Variants in CA6 observed in about 807,000 individuals in gnomAD.
CA6 encodes the protein carbonate dehydratase VI.
Under a neutral mutation model 35.9 loss-of-function variants are expected in CA6, and 28 were observed. The ratio of observed to expected loss-of-function variants is 0.78; its 90% CI spans 0.58 to 1.07. CA6 has a LOEUF of 1.07. Ranked by LOEUF, CA6 falls within the 50% of genes least tolerant of loss-of-function variation. CA6 has a pLI of 0.00. For missense variants in CA6, 377 were observed against 382.0 expected (o/e 0.99, Z 0.11); for synonymous variants, 148 against 152.6 (o/e 0.97, Z 0.22).
intron 1 of CA6, among the ~76,000 whole-genome samples, chr1:8,947,019 T>G (rs1017033108): frequency 2.0e-5 from 3 of 151,840 alleles, no homozygotes; most frequent in African/African-American, 7.3e-5. Flanking sequence ...GGCCAGGCTG[T>G]TCTCAAACTT....
intron 4 of CA6, among the ~76,000 whole-genome samples, chr1:8,960,789 C>CACACACACACACAT (rs59987426): frequency 6.8e-5 from 8 of 116,976 alleles, no homozygotes; most frequent in African/African-American, 2.3e-4. Context: ...CACACACACA[C>CACACACACACACAT]ATATATATAA....
At position 8,973,788 on chromosome 1, in the gene CA6, TCCC is replaced by T. The variant is rs776709634; in HGVS notation, c.845-833_845-831del. 3.8e-3 allele frequency among the ~76,000 whole-genome samples: 233 copies of T among 62,076 alleles called. 9 individuals are homozygous for T. The highest frequency in any genetic ancestry group is 6.2e-3 in the African/African-American group (44 of 7,118). The allele number at this position is 62,076 out of a possible 152,430, so 40.7% of individuals were successfully genotyped here. On this transcript the variant is annotated intron_variant, in intron 7 of 7. Transcript: ENST00000377443. ...TCTTTCTTTCTTTCTTTCTTTCTTTTCCCTCCCTCCCTCTCTCTCTCTCTCTCT... is the reference window on the plus strand; with the variant it reads ...TCTTTCTTTCTTTCTTTCTTTCTTTTTCCCTCCCTCTCTCTCTCTCTCTCT...
chr1:8,974,111 C>T (rs1431332740), intron 7 of CA6, among the ~76,000 whole-genome samples: 1 of 152,144 alleles, frequency 6.6e-6, no homozygotes, highest in Non-Finnish European at 1.5e-5. Context: ...AGGCATGAGC[C>T]ATCGCGCCTG....
At position 8,974,931 on chromosome 1, in the gene CA6, T is replaced by A; in HGVS notation, c.*227T>A. 1 of 404,976 alleles carries A rather than the reference T, an allele frequency of 2.5e-6. No homozygotes were observed. The highest frequency in any genetic ancestry group is 4.4e-6 in the Non-Finnish European group (1 of 229,708). The allele number at this position is 404,976 out of a possible 1,614,324, so 25.1% of individuals were successfully genotyped here. ...CATGAGACGGGATCTGAGTTAGACA[T>A]CACCAGTGGAAATTGATTGGAATAG... is the stretch of plus-strand genomic sequence containing the variant. On this transcript the variant is annotated 3_prime_UTR_variant, in exon 8 of 8. Transcript: ENST00000377443.
chr1:8,953,587 A>T (rs531994733), intron 2 of CA6, among the ~76,000 whole-genome samples: 1 of 152,256 alleles, frequency 6.6e-6, no homozygotes, highest in African/African-American at 2.4e-5. Context: ...GCACCACTGC[A>T]CTCCAGCCTG....
At chr1:8,960,789 C>CACACACACACACACATAT (rs59987426) in intron 4 of CA6, among the ~76,000 whole-genome samples, 10 of 116,976 alleles carry the variant, frequency 8.5e-5, no homozygotes, top group African/African-American at 3.0e-4. Flanking sequence ...CACACACACA[C>CACACACACACACACATAT]ATATATATAA....
chr1:8,946,804 T>C (rs1557617079), intron 1 of CA6, among the ~76,000 whole-genome samples: 1 of 122,690 alleles, frequency 8.2e-6, no homozygotes, highest in Non-Finnish European at 1.6e-5. Flanking sequence ...TTTTTTTTTT[T>C]GTTTTTTTTT....
At chr1:8,960,416 A>G (rs960011274) in intron 4 of CA6, among the ~76,000 whole-genome samples, 1 of 151,870 alleles carries the variant, frequency 6.6e-6, no homozygotes, top group South Asian at 2.1e-4. Context: ...AAAAACAACT[A>G]TCATAAATGT....
In CA6 at chr1:8,957,161, T is replaced by C. The variant is rs761202224; in HGVS notation, c.284T>C (p.Met95Thr). ...GTGCAGATCAGCCTGCCCTCCACCA[T>C]GCGCATGACAGTGGCTGACGGCACT... ...HTVQISLPST[M>T]RMTVADGTVY... is the part of the protein sequence containing the mutation. The change falls in exon 3 of 8, where the codon ATG (methionine) becomes ACG (threonine). Residue 95 changes from methionine (M) to threonine (T), a missense_variant. Met to Thr is a moderately conservative substitution (Grantham distance 81). Transcript: ENST00000377443. 2 of 1,612,798 alleles carry C rather than the reference T, an allele frequency of 1.2e-6. No homozygotes were observed. The highest frequency in any genetic ancestry group is 1.1e-5 in the South Asian group (1 of 90,958).
At chr1:8,948,835 T>C (rs575839908) in intron 1 of CA6, among the ~76,000 whole-genome samples, 278 of 152,038 alleles carry the variant, frequency 1.8e-3, no homozygotes, top group Non-Finnish European at 3.2e-3. Flanking sequence ...CCAGGCGTGG[T>C]GGTGCATGCC....
intron 6 of CA6, 152 bp downstream of exon 6, chr1:8,967,968 T>TC: frequency 1.7e-6 from 1 of 572,242 alleles, no homozygotes; most frequent in Non-Finnish European, 2.9e-6. Context: ...CCAACCTTTT[T>TC]TTTTTTTTTT....
intron 6 of CA6, 147 bp downstream of exon 6, chr1:8,967,963 C>T (rs1431842071): frequency 1.8e-4 from 54 of 297,062 alleles, no homozygotes; most frequent in South Asian, 5.7e-4. Flanking sequence ...TCTAGCCAAC[C>T]TTTTTTTTTT....
intron 3 of CA6, among the ~76,000 whole-genome samples, chr1:8,958,147 G>A (rs1306933931): frequency 1.3e-5 from 2 of 152,008 alleles, no homozygotes; most frequent in Non-Finnish European, 2.9e-5. Flanking sequence ...TGTTTCAGCT[G>A]GATTTCTATG....
intron 1 of CA6, among the ~76,000 whole-genome samples, chr1:8,947,189 C>T (rs772713811): frequency 6.6e-5 from 10 of 152,046 alleles, no homozygotes; most frequent in Non-Finnish European, 1.0e-4. Flanking sequence ...GCTAGAAGGC[C>T]GTGTCTGTGG....
rs552121699 is a variant in CA6 at position 8,957,181 on chromosome 1, G to A, written c.304G>A (p.Gly102Ser). 2.2e-5 allele frequency: 35 copies of A among 1,613,732 alleles called. No individual in the cohort carries two copies. The highest frequency in any genetic ancestry group is 2.0e-4 in the African/African-American group (15 of 74,976). The change falls in exon 3 of 8, where the codon GGC (glycine) becomes AGC (serine). Residue 102 changes from glycine (G) to serine (S), a missense_variant. Transcript: ENST00000377443. ...PSTMRMTVADGTVYIAQQMHF... is the reference protein window; with the variant it reads ...PSTMRMTVADSTVYIAQQMHF... ...CACCATGCGCATGACAGTGGCTGAC[G>A]GCACTGTATACATAGCCCAGCAGAT...
At chr1:8,974,544 G>T in intron 7 of CA6, 78 bp from the exon 8 acceptor site, 1 of 1,402,272 alleles carries the variant, frequency 7.1e-7, no homozygotes, top group Non-Finnish European at 9.9e-7. Context: ...CGGGTATGGT[G>T]TCTGGCCGTC....
intron 7 of CA6, among the ~76,000 whole-genome samples, chr1:8,973,066 G>T (rs1421720087): frequency 6.6e-6 from 1 of 152,148 alleles, no homozygotes; most frequent in Admixed American, 6.5e-5. Flanking sequence ...GCCCAGGCTG[G>T]AGTGCAGTGG....
At position 8,962,820 on chromosome 1, in the gene CA6, T is replaced by C. The variant is rs144816247; in HGVS notation, c.571+164T>C. Among the ~76,000 whole-genome samples, 569 of 152,312 alleles carry C rather than the reference T, an allele frequency of 3.7e-3. 3 individuals carry two copies. The highest frequency in any genetic ancestry group is 0.013 in the African/African-American group (540 of 41,574). On this transcript the variant is annotated intron_variant, in intron 5 of 7. Coordinates refer to ENST00000377443, the MANE Select transcript of CA6 (RefSeq NM_001215.4). ...TGTGCCAGGTTACTTGTTCCAGTGA[T>C]TTCTGCTGTTGGCTTAGGCAGCAAA...
rs953009674 is a variant in CA6, at chr1:8,963,968, C to T, written c.571+1312C>T. Among the ~76,000 whole-genome samples, 5 of 152,212 alleles carry T rather than the reference C, an allele frequency of 3.3e-5. 1 individual carries two copies. The highest frequency in any genetic ancestry group is 3.3e-4 in the Admixed American group (5 of 15,278). On this transcript the variant is annotated intron_variant, in intron 5 of 7. Transcript: ENST00000377443. This position sits in a 1 kb window ranked among gnomAD's most constrained non-coding sequence, Gnocchi z 4.1. ...ACATGCTTTCTCCTCTCTCCTGAAG[C>T]CCCTGTGCCTGGGCTCCAGCAATTC...
Sources: gnomAD v4.1 joint callset for allele counts (sites outside exome capture counted in the v4.1 genomes callset) on GRCh38, gnomAD v4.1.1 for gene constraint, Gnocchi (gnomAD v3.1) non-coding constraint, MANE v1.5 for transcripts, NCBI Gene and HGNC (gene_info 2026-07-23, HGNC 2026-07-21) for gene names.